The following DDX10 variants were observed in gnomAD, a reference collection of about 807,000 sequenced individuals.
DDX10 encodes probable ATP-dependent RNA helicase DDX10.
DDX10 carries 74 observed loss-of-function variants against 104.3 expected under a neutral mutation model. The observed-to-expected ratio is 0.71, with a 90% CI of 0.59 to 0.86. The LOEUF (loss-of-function observed/expected upper bound fraction) is 0.86. Among genes scored for constraint, DDX10 ranks in the 40% least tolerant of loss-of-function variants. The probability of loss-of-function intolerance (pLI) is 0.00; values close to 1 mark genes in which losing one functional copy is unlikely to be tolerated. For missense variants in DDX10, 952 were observed against 1,040.0 expected (o/e 0.92, Z 1.16); for synonymous variants, 351 against 353.4 (o/e 0.99, Z 0.08).
At chr11:108,774,254 G>T (rs1024687670) in intron 13 of DDX10, among the ~76,000 whole-genome samples, 1 of 152,206 alleles carries the variant, frequency 6.6e-6, no homozygotes, top group African/African-American at 2.4e-5. Context: ...TTCATTGGCC[G>T]TGTGACTAGG....
At chr11:108,744,414 C>CA (rs1189430056) in intron 13 of DDX10, among the ~76,000 whole-genome samples, 1 of 152,058 alleles carries the variant, frequency 6.6e-6, no homozygotes, top group Non-Finnish European at 1.5e-5. Flanking sequence ...TGTTAAAAAA[C>CA]AAAAAACAAC....
intron 9 of DDX10, among the ~76,000 whole-genome samples, chr11:108,701,391 G>T (rs906296077): frequency 6.6e-6 from 1 of 152,180 alleles, no homozygotes; most frequent in African/African-American, 2.4e-5. Context: ...GCGGGAAAAA[G>T]AGAGGACTGT....
intron 13 of DDX10, among the ~76,000 whole-genome samples, chr11:108,752,645 A>G (rs1282804179): frequency 6.6e-6 from 1 of 152,102 alleles, no homozygotes; most frequent in African/African-American, 2.4e-5. Flanking sequence ...CCAGATTGCC[A>G]CATGCCATGT....
At chr11:108,677,266 T>G in intron 4 of DDX10, 23 bp downstream of exon 4, 4 of 1,599,416 alleles carry the variant, frequency 2.5e-6, no homozygotes, top group Non-Finnish European at 3.4e-6. Flanking sequence ...GTCTATGTCC[T>G]TCCTTTCCTT....
At chr11:108,803,409 C>T (rs1862052089) in intron 13 of DDX10, among the ~76,000 whole-genome samples, 1 of 151,922 alleles carries the variant, frequency 6.6e-6, no homozygotes, top group South Asian at 2.1e-4. Context: ...GCCTGACCAA[C>T]ACGGAGAAAC....
chr11:108,905,634 G>T (rs1323996317), intron 16 of DDX10, among the ~76,000 whole-genome samples: 2 of 152,024 alleles, frequency 1.3e-5, no homozygotes, highest in Non-Finnish European at 2.9e-5. Context: ...GCCTTTTCTG[G>T]AATTTCTTAT....
rs534809180 is a variant in DDX10 at position 108,795,151 on chromosome 11, G to A, written c.1966-43295G>A. Among the ~76,000 whole-genome samples the A allele has an allele frequency of 8.9e-4, 135 of 151,838 alleles. 1 individual carries two copies. Among genetic ancestry groups the A allele is most frequent in the African/African-American group, 3.1e-3 (130 of 41,438 alleles). Reference sequence around the variant, plus strand: ...GCCTAGTTTTCTCTTTTTTTATAATGTCTTTTTCTGGTTTTGTTCTTGGTA... The same window carrying A: ...GCCTAGTTTTCTCTTTTTTTATAATATCTTTTTCTGGTTTTGTTCTTGGTA... On this transcript the variant is annotated intron_variant, in intron 13 of 17. Transcript: ENST00000322536.
intron 13 of DDX10, among the ~76,000 whole-genome samples, chr11:108,763,750 A>G (rs2094353414): frequency 6.6e-6 from 1 of 152,182 alleles, no homozygotes; most frequent in African/African-American, 2.4e-5. Context: ...TAAGTTGGAG[A>G]GAATTTGATT....
At chr11:108,714,937 T>C (rs1050259333) in intron 10 of DDX10, among the ~76,000 whole-genome samples, 1 of 149,000 alleles carries the variant, frequency 6.7e-6, no homozygotes, top group African/African-American at 2.4e-5. Context: ...ATAATAAAAA[T>C]AAGTAAAAAC....
At chr11:108,898,427 G>A (rs2134646128) in intron 16 of DDX10, among the ~76,000 whole-genome samples, 1 of 152,188 alleles carries the variant, frequency 6.6e-6, no homozygotes, top group East Asian at 1.9e-4. Context: ...CTAGAGGGTG[G>A]AAACCAAGAG....
intron 10 of DDX10, among the ~76,000 whole-genome samples, chr11:108,711,281 C>T (rs11602510): frequency 0.12 from 18,697 of 152,198 alleles, 1,561 homozygotes; most frequent in East Asian, 0.27. Context: ...TTGTGTTATT[C>T]AGAGGTGTGT....
intron 16 of DDX10, among the ~76,000 whole-genome samples, chr11:108,867,373 T>C (rs1374290174): frequency 2.0e-5 from 3 of 152,180 alleles, no homozygotes; most frequent in Non-Finnish European, 2.9e-5. Context: ...GTTTGAACTT[T>C]GAAGAGTAAG....
intron 13 of DDX10, among the ~76,000 whole-genome samples, chr11:108,799,112 G>C (rs1418329304): frequency 6.6e-6 from 1 of 152,132 alleles, no homozygotes; most frequent in African/African-American, 2.4e-5. Flanking sequence ...GAAAGGGTTA[G>C]GTCTTGGCTT....
intron 16 of DDX10, among the ~76,000 whole-genome samples, chr11:108,897,580 G>A (rs1176000525): frequency 1.3e-5 from 2 of 152,140 alleles, no homozygotes; most frequent in African/African-American, 4.8e-5. Context: ...AATTTTAACT[G>A]CTAGACTACA....
chr11:108,891,877 A>G (rs1226423452), intron 16 of DDX10, among the ~76,000 whole-genome samples: 1 of 152,078 alleles, frequency 6.6e-6, no homozygotes. Flanking sequence ...CTAACAGGGT[A>G]GTATAAAAAT....
At chr11:108,684,350 CT>C (rs1312689765) in intron 6 of DDX10, among the ~76,000 whole-genome samples, 6 of 108,626 alleles carry the variant, frequency 5.5e-5, no homozygotes, top group African/African-American at 2.0e-4. Context: ...TCCCTCCCCC[CT>C]CCCCCGACCC....
At chr11:108,833,398 G>A (rs983403943) in intron 13 of DDX10, among the ~76,000 whole-genome samples, 12 of 152,196 alleles carry the variant, frequency 7.9e-5, no homozygotes, top group East Asian at 1.9e-4. Context: ...GCACTGCTGC[G>A]TCCTCACTAT....
At chr11:108,764,805 A>G (rs1306099930) in intron 13 of DDX10, among the ~76,000 whole-genome samples, 1 of 152,184 alleles carries the variant, frequency 6.6e-6, no homozygotes, top group Non-Finnish European at 1.5e-5. Flanking sequence ...TGTCTCTTAA[A>G]AACCTGTAAA....
chr11:108,816,706 C>T (rs891450976), intron 13 of DDX10, among the ~76,000 whole-genome samples: 8 of 152,092 alleles, frequency 5.3e-5, no homozygotes, highest in Non-Finnish European at 7.4e-5. Flanking sequence ...GTGCCCACCA[C>T]CAGGCCCGGC....
Sources: allele counts gnomAD v4.1 joint callset (sites outside exome capture counted in the v4.1 genomes callset), GRCh38; gene constraint gnomAD v4.1.1; transcripts MANE v1.5; gene names NCBI Gene and HGNC (gene_info 2026-07-23, HGNC 2026-07-21).